Variants in SSX3 observed in about 807,000 individuals in gnomAD.
SSX3 encodes SSX family member 3.
Under a neutral mutation model 14.8 loss-of-function variants are expected in SSX3, and 6 were observed. That is an observed-to-expected ratio of 0.41 (90% CI 0.22 to 0.80). SSX3 has a LOEUF of 0.80. SSX3 is among the 30% of genes least tolerant of loss of function. The pLI is 0.34. For missense variants in SSX3, 163 were observed against 152.2 expected (o/e 1.07, Z -0.37); for synonymous variants, 55 against 52.9 (o/e 1.04, Z -0.18).
At chrX:48,348,713 A>C (rs1287514865) in intron 6 of SSX3, among the ~76,000 whole-genome samples, 1 of 112,577 alleles carries the variant, frequency 8.9e-6, no homozygotes, top group Non-Finnish European at 1.9e-5. Context: ...GGAAATAATA[A>C]TACTAATACT....
chrX:48,353,142 T>TTTC (rs1314595575), intron 4 of SSX3, among the ~76,000 whole-genome samples: 1 of 110,638 alleles, frequency 9.0e-6, no homozygotes, highest in Non-Finnish European at 1.9e-5. Flanking sequence ...TTTTTTTTTT[T>TTTC]TTCACTTGTA....
intron 5 of SSX3, 70 bp downstream of exon 5, chrX:48,352,030 A>G: frequency 8.7e-7 from 1 of 1,145,057 alleles, no homozygotes; most frequent in Non-Finnish European, 1.2e-6. Flanking sequence ...ATATTCTCCC[A>G]CTCTTACCAG....
intron 6 of SSX3, among the ~76,000 whole-genome samples, chrX:48,348,099 T>C (rs2061246395): frequency 8.9e-6 from 1 of 112,576 alleles, no homozygotes; most frequent in South Asian, 3.6e-4. Flanking sequence ...AAAATAATTT[T>C]TGTTCTTTAT....
intron 5 of SSX3, among the ~76,000 whole-genome samples, chrX:48,350,349 T>C (rs1556949433): frequency 9.0e-6 from 1 of 111,043 alleles, no homozygotes; most frequent in Non-Finnish European, 1.9e-5. Flanking sequence ...TCCCACTCTT[T>C]TAGGACTCAC....
In SSX3 at chrX:48,350,017, T is replaced by C. The variant is rs1556949279; in HGVS notation, c.436A>G (p.Thr146Ala). ...ATCATGTTAATCTTCTCAGAGGTAG[T>C]TGGTTTTCCCGGGGGGCACAGCTGT... is the stretch of plus-strand genomic sequence containing the variant. ...GKQLCPPGKP[T>A]TSEKINMISG... is the part of the protein sequence containing the mutation. The change falls in exon 6 of 8, where the codon ACT becomes GCT. Residue 146 changes from threonine (T) to alanine (A), a missense_variant. Thr to Ala is a moderately conservative substitution (Grantham distance 58). Coordinates refer to ENST00000298396, the MANE Select transcript of SSX3 (RefSeq NM_021014.4). 1.7e-6 allele frequency: 2 copies of C among 1,211,831 alleles called. No individual in the cohort carries two copies. The highest frequency in any genetic ancestry group is 1.7e-5 in the African/African-American group (1 of 57,771).
At position 48,354,749 on chromosome X, in the gene SSX3, A is replaced by G. The variant is rs1300282879; in HGVS notation, c.70-3T>C. ...TATTTGGCAATATCATCGAAGGCCTACAAAAAAAAAAAAAAGGAATTATGG... is the reference window on the plus strand; with the variant it reads ...TATTTGGCAATATCATCGAAGGCCTGCAAAAAAAAAAAAAAGGAATTATGG... On this transcript the variant is annotated splice_region_variant and splice_polypyrimidine_tract_variant and intron_variant, in intron 2 of 7. Transcript: ENST00000298396. The G allele has an allele frequency of 8.4e-7, 1 of 1,192,868 alleles. No homozygotes were observed. Among genetic ancestry groups the G allele is most frequent in the Admixed American group, 2.3e-5 (1 of 43,842 alleles).
chrX:48,349,093 G>A (rs782763439), intron 6 of SSX3, among the ~76,000 whole-genome samples: 12 of 112,697 alleles, frequency 1.1e-4, no homozygotes, highest in South Asian at 7.3e-4. Context: ...AGATAAAATA[G>A]CCTTCTATTG....
intron 6 of SSX3, 130 bp downstream of exon 6, chrX:48,349,857 T>A (rs1215498550): frequency 6.1e-6 from 7 of 1,154,366 alleles, no homozygotes; most frequent in Non-Finnish European, 8.0e-6. Flanking sequence ...ACATCTCATC[T>A]GGAGCTGGGC....
chrX:48,349,819 T>C, intron 6 of SSX3, 168 bp downstream of exon 6: 3 of 1,137,175 alleles, frequency 2.6e-6, no homozygotes, highest in African/African-American at 1.8e-5. Context: ...GGATGACAAC[T>C]CCAGTCTGTC....
chrX:48,348,233 C>A (rs1415818472), intron 6 of SSX3: 3 of 450,066 alleles, frequency 6.7e-6, no homozygotes, highest in Admixed American at 3.6e-5. Context: ...TTATCCTTGC[C>A]TTACAAACAA....
At chrX:48,348,981 T>C (rs782277429) in intron 6 of SSX3, among the ~76,000 whole-genome samples, 5 of 112,087 alleles carry the variant, frequency 4.5e-5, no homozygotes, top group African/African-American at 6.5e-5. Context: ...AAGTGCAAGG[T>C]GAAGCAGCAA....
chrX:48,354,893 A>G, intron 2 of SSX3, 147 bp from the exon 3 acceptor site: 1 of 1,191,917 alleles, frequency 8.4e-7, no homozygotes, highest in Non-Finnish European at 1.1e-6. Context: ...AACATGAGGG[A>G]CCTTCCTAGC....
intron 6 of SSX3, chrX:48,348,279 T>A: frequency 2.1e-6 from 1 of 483,486 alleles, no homozygotes; most frequent in East Asian, 3.9e-5. Flanking sequence ...TAAGTACAAT[T>A]AAGTTATTAT....
At chrX:48,349,600 A>T (rs782697843) in intron 6 of SSX3, 2 of 1,209,268 alleles carry the variant, frequency 1.7e-6, no homozygotes, top group South Asian at 1.8e-5. Context: ...GTATTGGGTA[A>T]CAGGCATTGA....
chrX:48,347,084 C>T lies in SSX3; in HGVS notation c.*5-49G>A, dbSNP rs782749354. 47 of 1,186,141 alleles carry T rather than the reference C, an allele frequency of 4.0e-5. No individual in the cohort carries two copies. The East Asian group carries it at 1.2e-3, about 30-fold the overall frequency. On this transcript the variant is annotated intron_variant, in intron 7 of 7. Transcript: ENST00000298396. Reference sequence around the variant, plus strand: ...AGTAAGTGGCAGTGAGTTCCCACCACGTGACAACTCAATCTCAACTCCTCC... The same window carrying T: ...AGTAAGTGGCAGTGAGTTCCCACCATGTGACAACTCAATCTCAACTCCTCC...
At chrX:48,348,345 C>T (rs1162533479) in intron 6 of SSX3, 1 of 513,955 alleles carries the variant, frequency 1.9e-6, no homozygotes, top group African/African-American at 2.3e-5. Context: ...GAACTGCACC[C>T]ATAGAATATG....
chrX:48,347,171 C>G, intron 7 of SSX3, 136 bp from the exon 8 acceptor site: 1 of 880,744 alleles, frequency 1.1e-6, no homozygotes, highest in Non-Finnish European at 1.7e-6. Context: ...ACACCTTCCA[C>G]GGTTCCTCGA....
intron 4 of SSX3, among the ~76,000 whole-genome samples, chrX:48,352,638 G>A (rs188499535): frequency 1.8e-5 from 2 of 112,580 alleles, no homozygotes; most frequent in African/African-American, 6.4e-5. Context: ...AGATACTCAA[G>A]CACTGGCTTT....
At chrX:48,350,303 A>T (rs1417220183) in intron 5 of SSX3, among the ~76,000 whole-genome samples, 181 bp from the exon 6 acceptor site, 1 of 111,139 alleles carries the variant, frequency 9.0e-6, no homozygotes, top group African/African-American at 3.3e-5. Flanking sequence ...GGAATGGCCT[A>T]AGTGAATATG....
Sources: allele counts gnomAD v4.1 joint callset (sites outside exome capture counted in the v4.1 genomes callset), GRCh38; gene constraint gnomAD v4.1.1; transcripts MANE v1.5; gene names NCBI Gene and HGNC (gene_info 2026-07-23, HGNC 2026-07-21).